The following NELL1 variants were observed in gnomAD, a reference collection of about 807,000 sequenced individuals.
NELL1 encodes protein kinase C-binding protein NELL1.
In NELL1, 76 loss-of-function variants were observed where a neutral mutation model predicts 107.4. The observed-to-expected ratio is 0.71, with a 90% CI of 0.59 to 0.86. The LOEUF is 0.86. NELL1 is among the 40% of genes least tolerant of loss of function. NELL1 has a pLI of 0.00. For missense variants in NELL1, 1,024 were observed against 1,005.5 expected (o/e 1.02, Z -0.25); for synonymous variants, 353 against 341.2 (o/e 1.03, Z -0.38).
chr11:21,416,545 C>A (rs1333072361), intron 15 of NELL1, among the ~76,000 whole-genome samples: 1 of 152,086 alleles, frequency 6.6e-6, no homozygotes, highest in Non-Finnish European at 1.5e-5. Context: ...GACTAGAATT[C>A]TTTGAAGAAA....
At chr11:21,351,369 GGA>G (rs1388622229) in intron 14 of NELL1, among the ~76,000 whole-genome samples, 1 of 152,052 alleles carries the variant, frequency 6.6e-6, no homozygotes, top group Non-Finnish European at 1.5e-5. Context: ...GTCTGGGACT[GGA>G]GATGGTCATC....
At chr11:20,895,989 T>A (rs940465039) in intron 5 of NELL1, among the ~76,000 whole-genome samples, 2 of 152,150 alleles carry the variant, frequency 1.3e-5, no homozygotes, top group Non-Finnish European at 2.9e-5. Context: ...TTTATATTTT[T>A]AAAAAAATTT....
At chr11:21,241,065 A>G (rs1395739040) in intron 14 of NELL1, among the ~76,000 whole-genome samples, 1 of 152,094 alleles carries the variant, frequency 6.6e-6, no homozygotes, top group African/African-American at 2.4e-5. Context: ...AAAGCCGTAT[A>G]CATATATCAG....
At chr11:21,247,425 A>AT (rs1044273107) in intron 14 of NELL1, among the ~76,000 whole-genome samples, 9 of 151,518 alleles carry the variant, frequency 5.9e-5, no homozygotes, top group African/African-American at 2.2e-4. Flanking sequence ...TCTATTTTTA[A>AT]TTTTTTTTTA....
At chr11:21,025,701 T>C (rs1852799458) in intron 12 of NELL1, among the ~76,000 whole-genome samples, 2 of 152,142 alleles carry the variant, frequency 1.3e-5, no homozygotes, top group African/African-American at 2.4e-5. Context: ...ATAGCATCTA[T>C]GTAGAAGTGA....
At chr11:20,999,204 A>G (rs1230234081) in intron 12 of NELL1, among the ~76,000 whole-genome samples, 1 of 152,182 alleles carries the variant, frequency 6.6e-6, no homozygotes, top group Non-Finnish European at 1.5e-5. Context: ...TTCTGTACGT[A>G]AAAGAGATAC....
At chr11:21,030,988 C>A (rs533272852) in intron 12 of NELL1, among the ~76,000 whole-genome samples, 8 of 152,266 alleles carry the variant, frequency 5.3e-5, no homozygotes, top group African/African-American at 1.7e-4. Flanking sequence ...GCCCCAGCCT[C>A]CCAAGTAGCT....
At position 21,308,016 on chromosome 11, in the gene NELL1, A is replaced by G. The variant is rs187155681; in HGVS notation, c.1550-62837A>G. On this transcript the variant is annotated intron_variant, in intron 14 of 19. Coordinates refer to ENST00000357134, the MANE Select transcript of NELL1 (RefSeq NM_006157.5). ...AACAAAATGCTAAGTATGATTACTT[A>G]CATACAGGAAAAAGCCTGACTCATG... 8.6e-4 allele frequency among the ~76,000 whole-genome samples: 131 copies of G among 152,170 alleles called. No individual in the cohort carries two copies. The Middle Eastern group carries it at 0.014, about 16-fold the overall frequency.
chr11:20,942,995 CACTT>C (rs1165164580), intron 10 of NELL1, among the ~76,000 whole-genome samples: 3 of 151,632 alleles, frequency 2.0e-5, no homozygotes, highest in African/African-American at 7.3e-5. Context: ...ATTTAAATAT[CACTT>C]ACTACTATTA....
At chr11:20,971,807 A>G (rs1054932088) in intron 12 of NELL1, among the ~76,000 whole-genome samples, 3 of 152,236 alleles carry the variant, frequency 2.0e-5, no homozygotes, top group African/African-American at 7.2e-5. Context: ...GCTATAAAGA[A>G]AATGTAGCAC....
chr11:20,675,453 A>G (rs1854030769), intron 1 of NELL1, among the ~76,000 whole-genome samples: 1 of 152,190 alleles, frequency 6.6e-6, no homozygotes, highest in African/African-American at 2.4e-5. Flanking sequence ...ATCATGCATC[A>G]ACTCATTAGA....
At position 20,788,914 on chromosome 11, in the gene NELL1, A is replaced by G. The variant is rs963308916; in HGVS notation, c.335+5084A>G. The stretch of plus-strand genomic sequence containing the variant: ...AGATGTATTTTGAGTTAGTTTTTAT[A>G]TATCATGTGAGGTAGGGGTCCAACT... On this transcript the variant is annotated intron_variant, in intron 3 of 19. Transcript: ENST00000357134. 2.0e-5 allele frequency among the ~76,000 whole-genome samples: 3 copies of G among 152,162 alleles called. No homozygotes were observed. The South Asian group carries it at 6.2e-4, about 32-fold the overall frequency.
intron 15 of NELL1, among the ~76,000 whole-genome samples, chr11:21,464,402 C>A (rs1476682594): frequency 1.5e-3 from 210 of 135,990 alleles, no homozygotes; most frequent in Non-Finnish European, 1.8e-3. Flanking sequence ...ATGTCCGTGG[C>A]AAAAAAAAAA....
intron 3 of NELL1, among the ~76,000 whole-genome samples, chr11:20,792,875 A>C (rs553258917): frequency 1.3e-5 from 2 of 152,114 alleles, no homozygotes; most frequent in Non-Finnish European, 2.9e-5. Flanking sequence ...GTTTTAATAC[A>C]TTAATAAGTG....
intron 12 of NELL1, among the ~76,000 whole-genome samples, chr11:21,042,054 T>A (rs1475657896): frequency 6.6e-6 from 1 of 152,252 alleles, no homozygotes; most frequent in African/African-American, 2.4e-5. Context: ...GTAAATACCA[T>A]CTTGCCTTCA....
chr11:21,514,349 A>ATGTT (rs1250811045), intron 15 of NELL1, among the ~76,000 whole-genome samples: 1 of 152,216 alleles, frequency 6.6e-6, no homozygotes, highest in African/African-American at 2.4e-5. Context: ...CATAATTATA[A>ATGTT]TGTTAGAGGT....
intron 5 of NELL1, among the ~76,000 whole-genome samples, chr11:20,891,689 C>CA (rs995126156): frequency 1.3e-5 from 2 of 151,220 alleles, no homozygotes; most frequent in African/African-American, 4.9e-5. Context: ...AAATGGAAGG[C>CA]AAAAAAAGGC....
At chr11:21,132,141 A>T (rs899915161) in intron 13 of NELL1, among the ~76,000 whole-genome samples, 8 of 152,108 alleles carry the variant, frequency 5.3e-5, no homozygotes, top group Non-Finnish European at 8.8e-5. Flanking sequence ...TGCAATGATA[A>T]CAGGTTCCAG....
At chr11:20,952,194 A>T (rs989997404) in intron 11 of NELL1, among the ~76,000 whole-genome samples, 1 of 152,108 alleles carries the variant, frequency 6.6e-6, no homozygotes, top group South Asian at 2.1e-4. Context: ...CTCTAATTGT[A>T]TCTTTAATGT....
Sources: allele counts gnomAD v4.1 joint callset (sites outside exome capture counted in the v4.1 genomes callset), GRCh38; gene constraint gnomAD v4.1.1; transcripts MANE v1.5; gene names NCBI Gene and HGNC (gene_info 2026-07-23, HGNC 2026-07-21).